Variants in APEH observed in about 807,000 individuals in gnomAD.
APEH encodes the protein acylaminoacyl-peptide hydrolase, also known as acylamino-acid-releasing enzyme.
Under a neutral mutation model 102.7 loss-of-function variants are expected in APEH, and 75 were observed. The ratio of observed to expected loss-of-function variants is 0.73; its 90% CI spans 0.61 to 0.89. APEH has a LOEUF of 0.89. Among genes scored for constraint, APEH ranks in the 40% least tolerant of loss-of-function variants. The pLI is 0.00. For synonymous variants in APEH, 344 were observed against 362.7 expected (o/e 0.95, Z 0.59); for missense variants, 863 against 941.2 (o/e 0.92, Z 1.09).
intron 10 of APEH, among the ~76,000 whole-genome samples, 179 bp downstream of exon 10, chr3:49,677,203 T>C (rs751339097): frequency 6.6e-6 from 1 of 152,212 alleles, no homozygotes; most frequent in Non-Finnish European, 1.5e-5. Context: ...TTGAGAGTGC[T>C]GCCATGGAGA....
intron 2 of APEH, 62 bp from the exon 3 acceptor site, chr3:49,675,121 G>T: frequency 6.2e-7 from 1 of 1,608,758 alleles, no homozygotes; most frequent in South Asian, 1.1e-5. Flanking sequence ...GTCAGGTGGG[G>T]CTGGGGGCAG....
At chr3:49,680,718 C>T (rs993088408) in intron 14 of APEH, 89 bp downstream of exon 14, 2 of 1,226,804 alleles carry the variant, frequency 1.6e-6, no homozygotes, top group Non-Finnish European at 2.4e-6. Context: ...AGAGTCTGAC[C>T]TGGCTGGTCA....
intron 2 of APEH, 60 bp downstream of exon 2, chr3:49,674,681 G>T: frequency 1.3e-6 from 2 of 1,567,860 alleles, no homozygotes; most frequent in African/African-American, 1.3e-5. Flanking sequence ...GGGAAGGAAG[G>T]GGGTGTGGAG....
intron 6 of APEH, 40 bp from the exon 7 acceptor site, chr3:49,676,338 C>T (rs1453861793): frequency 1.9e-6 from 3 of 1,613,816 alleles, no homozygotes; most frequent in Non-Finnish European, 2.5e-6. Context: ...CAGAGCAGGT[C>T]CTATAGACAG....
At chr3:49,681,586 G>A (rs2053320852) in intron 15 of APEH, 136 bp from the exon 16 acceptor site, 2 of 772,792 alleles carry the variant, frequency 2.6e-6, no homozygotes, top group Non-Finnish European at 4.0e-6. Context: ...GCCTTCTGGG[G>A]TCCATGTGTC....
chr3:49,676,074 C>G lies in APEH; in HGVS notation c.461C>G (p.Ser154Cys), dbSNP rs1431720445. 6.2e-7 allele frequency: 1 copy of G among 1,614,230 alleles called. No individual in the cohort carries two copies. Among genetic ancestry groups the G allele is most frequent in the Non-Finnish European group, 8.5e-7 (1 of 1,180,028 alleles). ...VYEDDCFGCLSWSHSETHLLY... is the reference protein window; with the variant it reads ...VYEDDCFGCLCWSHSETHLLY... Reference sequence around the variant, plus strand: ...CACCCAGACTGCTTTGGCTGCCTGTCCTGGTCGCACTCGGAGACACACTTG... The same window carrying G: ...CACCCAGACTGCTTTGGCTGCCTGTGCTGGTCGCACTCGGAGACACACTTG... Residue 154 changes from serine to cysteine, a missense_variant, in exon 6 of 22, where the codon TCC (serine) becomes TGC (cysteine). Ser to Cys is a moderately radical substitution (Grantham distance 112). Transcript: ENST00000296456.
At chr3:49,677,533 C>T in intron 10 of APEH, 40 bp from the exon 11 acceptor site, 1 of 1,572,072 alleles carries the variant, frequency 6.4e-7, no homozygotes, top group Non-Finnish European at 8.8e-7. Context: ...AAGGGAACTG[C>T]CTGTCCCCTA....
chr3:49,682,362 T>C lies in APEH; in HGVS notation c.1618T>C (p.Ser540Pro), dbSNP rs760010494. ...FAVLLVNYRG[S>P]TGFGQDSILS... ...CCTGCCCTCAGTGAACTATCGTGGC[T>C]CCACGGGCTTTGGCCAGGACAGCAT... Residue 540 changes from serine (S) to proline (P), a missense_variant, in exon 18 of 22, where the codon TCC (serine) becomes CCC (proline). Coordinates refer to ENST00000296456, the MANE Select transcript of APEH (RefSeq NM_001640.4). The C allele has an allele frequency of 6.2e-7, 1 of 1,613,668 alleles. No individual in the cohort carries two copies. The highest frequency in any genetic ancestry group is 8.5e-7 in the Non-Finnish European group (1 of 1,179,764).
chr3:49,678,802 C>G, intron 11 of APEH, 50 bp from the exon 12 acceptor site: 1 of 1,468,820 alleles, frequency 6.8e-7, no homozygotes, highest in Non-Finnish European at 9.5e-7. Flanking sequence ...TGTAGACTAC[C>G]CTCCCTACCT....
chr3:49,677,361 A>T (rs1026833419), intron 10 of APEH, among the ~76,000 whole-genome samples: 2 of 152,100 alleles, frequency 1.3e-5, no homozygotes, highest in Non-Finnish European at 2.9e-5. Flanking sequence ...CCCCAGGAAG[A>T]GCTCTGGGCC....
chr3:49,673,408 C>A (rs949128544), upstream of APEH, among the ~76,000 whole-genome samples: 13 of 152,136 alleles, frequency 8.5e-5, no homozygotes, highest in African/African-American at 2.4e-4. Context: ...TCTGAGCCCA[C>A]CAGGCCTTTC....
Position 49,681,986 on chromosome 3 carries a change from A to G in APEH, c.1603+19A>G. ...CTACTAGGTGAGTGAGCAGGGACCC[A>G]CAGTTCTGTTAGGACTACAGTGGAG... is the stretch of plus-strand genomic sequence containing the variant. On this transcript the variant is annotated intron_variant, in intron 17 of 21. Coordinates refer to ENST00000296456, the MANE Select transcript of APEH (RefSeq NM_001640.4). 1 of 1,607,602 alleles carries G rather than the reference A, an allele frequency of 6.2e-7. No homozygotes were observed. Among genetic ancestry groups the G allele is most frequent in the East Asian group, 2.2e-5 (1 of 44,858 alleles).
In APEH at chr3:49,682,723, G is replaced by C. The variant is rs1297814846; in HGVS notation, c.1870G>C (p.Asp624His). 1 of 1,613,800 alleles carries C rather than the reference G, an allele frequency of 6.2e-7. No individual in the cohort carries two copies. The highest frequency in any genetic ancestry group is 1.7e-5 in the Admixed American group (1 of 60,000). The change falls in exon 19 of 22, where the codon GAC becomes CAC. Residue 624 changes from aspartate (D) to histidine (H), a missense_variant. Transcript: ENST00000296456. ...CATCGCCTCCATGTTGGGCTCCACT[G>C]ACATCCCTGACTGGTAGGCATACAC... is the stretch of plus-strand genomic sequence containing the variant. ...INIASMLGSTDIPDWCVVEAG... is the reference protein window; with the variant it reads ...INIASMLGSTHIPDWCVVEAG...
rs2053372777 is a variant in APEH, at chr3:49,682,332, C to T, written c.1604-16C>T. 1.9e-6 allele frequency: 3 copies of T among 1,604,786 alleles called. No individual in the cohort carries two copies. Among genetic ancestry groups the T allele is most frequent in the Non-Finnish European group, 1.7e-6 (2 of 1,172,814 alleles). On this transcript the variant is annotated splice_polypyrimidine_tract_variant and intron_variant, in intron 17 of 21. Coordinates refer to ENST00000296456, the MANE Select transcript of APEH (RefSeq NM_001640.4). ...ATGTTGCCTGACTACACTGTCTGGT[C>T]CCTCCCTGCCCTCAGTGAACTATCG...
At chr3:49,682,820 T>C (rs1198034650) in intron 19 of APEH, 23 bp from the exon 20 acceptor site, 1 of 1,613,880 alleles carries the variant, frequency 6.2e-7, no homozygotes, top group African/African-American at 1.3e-5. Flanking sequence ...TTCCTGGGGC[T>C]GCAACAGCTC....
At chr3:49,682,116 C>T in intron 17 of APEH, 149 bp downstream of exon 17, 1 of 1,000,354 alleles carries the variant, frequency 1.0e-6, no homozygotes, top group Admixed American at 2.2e-5. Context: ...CTGCTGGGGC[C>T]CAGCCTCTGG....
Position 49,681,981 on chromosome 3 carries a change from G to A in APEH, c.1603+14G>A, listed in dbSNP as rs1187871871. ...CGGTACTACTAGGTGAGTGAGCAGG[G>A]ACCCACAGTTCTGTTAGGACTACAG... On this transcript the variant is annotated intron_variant, in intron 17 of 21. Transcript: ENST00000296456. 2.5e-6 allele frequency: 4 copies of A among 1,609,352 alleles called. No individual in the cohort carries two copies. In the African/African-American group the frequency reaches 5.3e-5, roughly 22 times the overall value.
chr3:49,677,544 C>G, intron 10 of APEH, 29 bp from the exon 11 acceptor site: 2 of 1,602,576 alleles, frequency 1.2e-6, no homozygotes, highest in Non-Finnish European at 1.7e-6. Flanking sequence ...CTGTCCCCTA[C>G]TGGACCTGAC....
chr3:49,678,410 T>C (rs905811856), intron 11 of APEH, among the ~76,000 whole-genome samples: 3 of 152,124 alleles, frequency 2.0e-5, no homozygotes, highest in Admixed American at 2.0e-4. Context: ...CCTCATAGGA[T>C]CATAGTGAGT....
Sources: allele counts gnomAD v4.1 joint callset (sites outside exome capture counted in the v4.1 genomes callset), GRCh38; gene constraint gnomAD v4.1.1; transcripts MANE v1.5; gene names NCBI Gene and HGNC (gene_info 2026-07-23, HGNC 2026-07-21).